ARHGEF12: variants seen among roughly 807,000 people sequenced by gnomAD.
ARHGEF12 encodes the protein KMT2A/ARHGEF12 fusion protein.
In ARHGEF12, 66 loss-of-function variants were observed where a neutral mutation model predicts 211.2. The observed-to-expected ratio is 0.31, with a 90% CI of 0.26 to 0.38. The LOEUF (loss-of-function observed/expected upper bound fraction) is 0.38. Ranked by LOEUF, ARHGEF12 falls within the 10% of genes least tolerant of loss-of-function variation. The pLI is 1.00. For missense variants in ARHGEF12, 1,429 were observed against 1,869.5 expected, an observed-to-expected ratio of 0.76 and a Z score of 4.34; for synonymous variants, 592 against 638.4, an observed-to-expected ratio of 0.93 and a Z score of 1.09.
intron 26 of ARHGEF12, among the ~76,000 whole-genome samples, chr11:120,459,854 G>A (rs1462417702): frequency 3.3e-5 from 5 of 152,010 alleles, no homozygotes; most frequent in East Asian, 1.9e-4. Flanking sequence ...GATTACAGGC[G>A]TGCGCCACCA....
intron 1 of ARHGEF12, among the ~76,000 whole-genome samples, chr11:120,346,490 C>G (rs1439813344): frequency 6.6e-6 from 1 of 152,202 alleles, no homozygotes; most frequent in Non-Finnish European, 1.5e-5. Flanking sequence ...GTGGCCAAAG[C>G]AAGTCATATG....
chr11:120,399,348 A>AAAAAAAAAAG (rs1565453349), intron 1 of ARHGEF12, among the ~76,000 whole-genome samples: 2 of 149,026 alleles, frequency 1.3e-5, no homozygotes, highest in Non-Finnish European at 3.0e-5. Context: ...AAAAAAAAAA[A>AAAAAAAAAAG]AAAGAAAAGA....
chr11:120,426,742 G>T (rs879524993), intron 7 of ARHGEF12, among the ~76,000 whole-genome samples: 8 of 152,188 alleles, frequency 5.3e-5, no homozygotes, highest in African/African-American at 1.2e-4. Flanking sequence ...TGAAATAATT[G>T]ATAATGATTT....
intron 1 of ARHGEF12, among the ~76,000 whole-genome samples, chr11:120,404,386 A>G (rs1007926564): frequency 3.3e-5 from 5 of 152,220 alleles, no homozygotes; most frequent in African/African-American, 9.6e-5. Context: ...GTACACATAT[A>G]TTTATTTGCT....
intron 8 of ARHGEF12, 143 bp downstream of exon 8, chr11:120,428,390 A>G (rs1308900790): frequency 1.4e-6 from 1 of 703,666 alleles, no homozygotes; most frequent in Non-Finnish European, 2.1e-6. Context: ...AAAATTACAT[A>G]ATAGGAATGA....
At position 120,486,363 on chromosome 11, in the gene ARHGEF12, C is replaced by T. The variant is rs1236805133; in HGVS notation, c.*1286C>T. 4.3e-6 allele frequency: 1 copy of T among 232,946 alleles called. No homozygotes were observed. Among genetic ancestry groups the T allele is most frequent in the Non-Finnish European group, 8.5e-6 (1 of 117,686 alleles). The allele number at this position is 232,946 out of a possible 1,614,324, so 14.4% of individuals were successfully genotyped here. A position where few individuals can be genotyped will look rare whatever the true frequency, so the allele number is the denominator to read the frequency against. On this transcript the variant is annotated 3_prime_UTR_variant, in exon 41 of 41. Coordinates refer to ENST00000397843, the MANE Select transcript of ARHGEF12 (RefSeq NM_015313.3). Reference sequence around the variant, plus strand: ...CTGACTTCACTGCCGCAGCTCTTTCCACACGGGGCCGTGATTGACCCTAAA... The same window carrying T: ...CTGACTTCACTGCCGCAGCTCTTTCTACACGGGGCCGTGATTGACCCTAAA...
intron 7 of ARHGEF12, 120 bp downstream of exon 7, chr11:120,424,535 T>C (rs1469797290): frequency 1.5e-6 from 1 of 666,384 alleles, no homozygotes; most frequent in East Asian, 2.8e-5. Flanking sequence ...TATAGTCTAC[T>C]GCCGACTCTG....
At chr11:120,356,070 A>G (rs979135708) in intron 1 of ARHGEF12, among the ~76,000 whole-genome samples, 12 of 152,256 alleles carry the variant, frequency 7.9e-5, no homozygotes, top group Non-Finnish European at 1.6e-4. Flanking sequence ...AAACAATCCA[A>G]CATTTGCAAT....
At chr11:120,461,087 A>C (rs536486909) in intron 27 of ARHGEF12, among the ~76,000 whole-genome samples, 2 of 152,316 alleles carry the variant, frequency 1.3e-5, no homozygotes, top group Non-Finnish European at 2.9e-5. Context: ...GTTGGAATCA[A>C]CTTCCAAACT....
intron 11 of ARHGEF12, among the ~76,000 whole-genome samples, chr11:120,433,188 A>G (rs552604171): frequency 4.6e-5 from 7 of 152,342 alleles, no homozygotes; most frequent in African/African-American, 1.7e-4. Context: ...TATTCAGGCA[A>G]TAGGTGATCT....
At chr11:120,446,815 ATG>A in intron 17 of ARHGEF12, 131 bp from the exon 18 acceptor site, 1 of 1,107,160 alleles carries the variant, frequency 9.0e-7, no homozygotes, top group Non-Finnish European at 1.3e-6. Flanking sequence ...CCTAGATGAC[ATG>A]GACCCATAAG....
intron 1 of ARHGEF12, among the ~76,000 whole-genome samples, chr11:120,395,175 C>T (rs936363247): frequency 6.8e-6 from 1 of 147,846 alleles, no homozygotes; most frequent in Non-Finnish European, 1.5e-5. Context: ...AATATATATA[C>T]AATATGTAAA....
At chr11:120,448,848 C>A in intron 20 of ARHGEF12, 1 of 380,514 alleles carries the variant, frequency 2.6e-6, no homozygotes, top group Non-Finnish European at 4.7e-6. Flanking sequence ...AGAATAAGTT[C>A]CTGGTAAATG....
intron 4 of ARHGEF12, among the ~76,000 whole-genome samples, chr11:120,413,999 A>AT (rs940123505): frequency 3.3e-5 from 5 of 150,534 alleles, no homozygotes; most frequent in South Asian, 2.1e-4. Context: ...ATGACACTTC[A>AT]TTTTTTTTTC....
At chr11:120,476,845 AAC>A in intron 34 of ARHGEF12, 97 bp downstream of exon 34, 9 of 932,594 alleles carry the variant, frequency 9.7e-6, no homozygotes, top group Non-Finnish European at 1.3e-5. Flanking sequence ...AATGTATGGA[AAC>A]CAAGCACTTC....
At chr11:120,459,354 C>T in intron 26 of ARHGEF12, 34 bp downstream of exon 26, 1 of 1,593,940 alleles carries the variant, frequency 6.3e-7, no homozygotes, top group Non-Finnish European at 8.5e-7. Context: ...TTGCCCCTAA[C>T]ATTTCCAATA....
chr11:120,349,184 G>A (rs1219693104), intron 1 of ARHGEF12, among the ~76,000 whole-genome samples: 1 of 152,206 alleles, frequency 6.6e-6, no homozygotes, highest in Non-Finnish European at 1.5e-5. Context: ...TTGAGACAGT[G>A]TATAAAGTTA....
intron 7 of ARHGEF12, among the ~76,000 whole-genome samples, chr11:120,424,637 C>A (rs1945287206): frequency 6.6e-6 from 1 of 152,156 alleles, no homozygotes; most frequent in Admixed American, 6.5e-5. Flanking sequence ...AGTCTGTGAT[C>A]CTGGTTTAGC....
At chr11:120,449,702 A>G (rs1946148239) in intron 21 of ARHGEF12, 1 of 151,996 alleles carries the variant, frequency 6.6e-6, no homozygotes, top group African/African-American at 2.4e-5. Context: ...ACTCTGCCTC[A>G]ATAAAACAAA....
Sources: allele counts gnomAD v4.1 joint callset (sites outside exome capture counted in the v4.1 genomes callset), GRCh38; gene constraint gnomAD v4.1.1; transcripts MANE v1.5; gene names NCBI Gene and HGNC (gene_info 2026-07-23, HGNC 2026-07-21).